Variants in RGS12 observed in about 807,000 individuals in gnomAD.
RGS12 encodes the protein regulator of G-protein signaling 12.
In RGS12, 66 loss-of-function variants were observed where a neutral mutation model predicts 120.1. The observed-to-expected ratio is 0.55, with a 90% CI of 0.45 to 0.67. The LOEUF (loss-of-function observed/expected upper bound fraction) is 0.67, where lower values mean the gene tolerates loss of function less well. Among genes scored for constraint, RGS12 ranks in the 30% least tolerant of loss-of-function variants. The pLI is 0.00. For synonymous variants in RGS12, 827 were observed against 804.7 expected, an observed-to-expected ratio of 1.03 and a Z score of -0.47; for missense variants, 1,859 against 1,957.7, an observed-to-expected ratio of 0.95 and a Z score of 0.95.
chr4:3,387,986 G>A (rs569424476), intron 4 of RGS12, among the ~76,000 whole-genome samples: 4 of 152,172 alleles, frequency 2.6e-5, no homozygotes, highest in Non-Finnish European at 4.4e-5. Flanking sequence ...CTAGCTCCTC[G>A]CCGTGCTGGC....
At chr4:3,334,184 A>G (rs1346213291) in intron 2 of RGS12, among the ~76,000 whole-genome samples, 1 of 152,236 alleles carries the variant, frequency 6.6e-6, no homozygotes, top group Non-Finnish European at 1.5e-5. Context: ...TTTTATATCT[A>G]GCTACCCTAT....
chr4:3,342,700 A>G lies in RGS12; in HGVS notation c.1882-237A>G, dbSNP rs574287178. On this transcript the variant is annotated intron_variant, in intron 2 of 17. Transcript: ENST00000336727. ...CAGAGGTGGAGGCTTTGTCAGAGGC[A>G]CACAGTTGGCAGAGCAAATACTTGA... 48 of 807,252 alleles carry G rather than the reference A, an allele frequency of 5.9e-5. No individual in the cohort carries two copies. In the African/African-American group the frequency reaches 8.0e-4, roughly 14 times the overall value. The allele number at this position is 807,252 out of a possible 1,614,324, so 50.0% of individuals were successfully genotyped here. A position where few individuals can be genotyped will look rare whatever the true frequency, so the allele number is the denominator to read the frequency against.
Position 3,317,014 on chromosome 4 carries a change from C to G in RGS12, c.844C>G (p.Gln282Glu), listed in dbSNP as rs778556764. ...CATGAAGATCATGCACGACTGTGTG[C>G]AGCTGAGCACTGACAAGGCTGGAGT... ...VTMKIMHDCV[Q>E]LSTDKAGVVA... Residue 282 changes from glutamine to glutamate, a missense_variant, in exon 2 of 18, where the codon CAG (glutamine) becomes GAG (glutamate). By Grantham distance (29) the Gln-to-Glu change is conservative (BLOSUM62 2). Coordinates refer to ENST00000336727, the MANE Select transcript of RGS12 (RefSeq NM_001394154.1). 1.9e-6 allele frequency: 3 copies of G among 1,613,754 alleles called. No homozygotes were observed. The Middle Eastern group carries it at 4.9e-4, about 266-fold the overall frequency.
Position 3,433,178 on chromosome 4 carries a change from G to A in RGS12, c.4114+2223G>A, listed in dbSNP as rs1007526984. Among the ~76,000 whole-genome samples the A allele has an allele frequency of 6.6e-6, 1 of 152,206 alleles. No homozygotes were observed. Among genetic ancestry groups the A allele is most frequent in the Non-Finnish European group, 1.5e-5 (1 of 68,020 alleles). On this transcript the variant is annotated intron_variant, in intron 17 of 17. Coordinates refer to ENST00000336727, the MANE Select transcript of RGS12 (RefSeq NM_001394154.1). This position sits in a 1 kb window ranked among gnomAD's most constrained non-coding sequence, Gnocchi z 4.4. Reference sequence around the variant, plus strand: ...CCGTTTTCAGGGTTTAGGAGCTTGGGGGTCATCCCGGGTCACGCTCTCCGA... The same window carrying A: ...CCGTTTTCAGGGTTTAGGAGCTTGGAGGTCATCCCGGGTCACGCTCTCCGA...
chr4:3,342,344 A>G, intron 2 of RGS12: 2 of 1,143,398 alleles, frequency 1.7e-6, no homozygotes, highest in Non-Finnish European at 2.2e-6. Context: ...TGGGCACAAC[A>G]TAGATGTTTG....
chr4:3,306,132 A>G (rs370789325), intron 1 of RGS12, among the ~76,000 whole-genome samples: 20 of 152,280 alleles, frequency 1.3e-4, no homozygotes, highest in African/African-American at 4.8e-4. Context: ...TGGCTATTCC[A>G]TGAGAGGCTG....
intron 3 of RGS12, among the ~76,000 whole-genome samples, chr4:3,355,146 G>A (rs74760030): frequency 1.3e-5 from 2 of 152,096 alleles, no homozygotes; most frequent in Non-Finnish European, 2.9e-5. Context: ...ATTTGAAAAT[G>A]AATCAATTTA....
At chr4:3,328,562 C>T (rs1218347556) in intron 2 of RGS12, among the ~76,000 whole-genome samples, 1 of 152,158 alleles carries the variant, frequency 6.6e-6, no homozygotes, top group Non-Finnish European at 1.5e-5. Context: ...GTGATGAATA[C>T]ATTTCTCTTT....
At chr4:3,415,139 T>C (rs1577073378) in intron 6 of RGS12, among the ~76,000 whole-genome samples, 1 of 98,268 alleles carries the variant, frequency 1.0e-5, no homozygotes, top group South Asian at 3.6e-4. Flanking sequence ...GTGAGGGGCG[T>C]GTGTGAGAGG....
the RGS12 span, among the ~76,000 whole-genome samples, chr4:3,286,882 C>T: frequency 1.9e-3 from 292 of 152,344 alleles, no homozygotes; most frequent in Admixed American, 4.1e-3. Flanking sequence ...GCAGTGCCTG[C>T]GGGAGCCGAC....
chr4:3,342,875 T>C, intron 2 of RGS12, 62 bp from the exon 3 acceptor site: 1 of 1,111,868 alleles, frequency 9.0e-7, no homozygotes, highest in Non-Finnish European at 1.4e-6. Flanking sequence ...TGCCATGCAT[T>C]GGACAAGACT....
chr4:3,384,747 C>G (rs752248769), intron 3 of RGS12, among the ~76,000 whole-genome samples: 1 of 152,212 alleles, frequency 6.6e-6, no homozygotes. Flanking sequence ...AAGCTGGCCC[C>G]AGGTGGTCTC....
intron 9 of RGS12, 23 bp from the exon 10 acceptor site, chr4:3,420,619 G>C: frequency 6.2e-7 from 1 of 1,612,142 alleles, no homozygotes; most frequent in Non-Finnish European, 8.5e-7. Flanking sequence ...ATTGACGTGA[G>C]TCACTGTGTT....
chr4:3,298,076 GTTC>G (rs1242027807), intron 1 of RGS12, among the ~76,000 whole-genome samples: 2 of 152,114 alleles, frequency 1.3e-5, no homozygotes, highest in Admixed American at 6.5e-5. Context: ...TCTGATTTCA[GTTC>G]TTCTGTGTGT....
intron 6 of RGS12, among the ~76,000 whole-genome samples, chr4:3,415,275 T>A (rs1183638761): frequency 1.3e-5 from 2 of 152,100 alleles, no homozygotes; most frequent in Non-Finnish European, 2.9e-5. Flanking sequence ...AGTTGGAAAG[T>A]GGATGATAAA....
intron 1 of RGS12, among the ~76,000 whole-genome samples, chr4:3,306,897 G>T (rs1233789138): frequency 6.6e-6 from 1 of 152,174 alleles, no homozygotes; most frequent in Non-Finnish European, 1.5e-5. Context: ...TGGGGTTTGG[G>T]GTCAGGGAGT....
At position 3,402,168 on chromosome 4, in the gene RGS12, A is replaced by G. The variant is rs537478653; in HGVS notation, c.2021-11904A>G. On this transcript the variant is annotated intron_variant, in intron 4 of 17. Coordinates refer to ENST00000336727, the MANE Select transcript of RGS12 (RefSeq NM_001394154.1). ...TGATATCAGAAGTTATATAAAAGGT[A>G]CAAACATTGCATTATGCTTAGTTTT... Among the ~76,000 whole-genome samples the G allele has an allele frequency of 4.6e-5, 7 of 152,402 alleles. No individual in the cohort carries two copies. The South Asian group carries it at 1.4e-3, about 32-fold the overall frequency.
At chr4:3,311,343 G>T (rs1353633432) in intron 1 of RGS12, among the ~76,000 whole-genome samples, 1 of 152,184 alleles carries the variant, frequency 6.6e-6, no homozygotes, top group East Asian at 1.9e-4. Flanking sequence ...ATGAGTGGAG[G>T]AGTTTATCAG....
intron 2 of RGS12, among the ~76,000 whole-genome samples, chr4:3,327,678 A>C (rs1302645410): frequency 2.0e-5 from 3 of 152,248 alleles, no homozygotes; most frequent in Non-Finnish European, 4.4e-5. Context: ...AAAATGCCCA[A>C]TATCACTAAT....
Sources: allele counts gnomAD v4.1 joint callset (sites outside exome capture counted in the v4.1 genomes callset), GRCh38; gene constraint gnomAD v4.1.1; non-coding constraint Gnocchi (gnomAD v3.1); transcripts MANE v1.5; gene names NCBI Gene and HGNC (gene_info 2026-07-23, HGNC 2026-07-21).